Variants in AGBL4 observed in about 807,000 individuals in gnomAD.
AGBL4 encodes the protein AGBL carboxypeptidase 4, also known as cytosolic carboxypeptidase 6.
Under a neutral mutation model 66.4 loss-of-function variants are expected in AGBL4, and 58 were observed. That is an observed-to-expected ratio of 0.87 (90% CI 0.71 to 1.09). AGBL4 has a LOEUF of 1.09. AGBL4 is among the 50% of genes least tolerant of loss of function. The probability of loss-of-function intolerance (pLI) is 0.00; values close to 1 mark genes in which losing one functional copy is unlikely to be tolerated. For synonymous variants in AGBL4, 234 were observed against 222.9 expected, an observed-to-expected ratio of 1.05 and a Z score of -0.44; for missense variants, 579 against 631.0, an observed-to-expected ratio of 0.92 and a Z score of 0.88.
intron 3 of AGBL4, among the ~76,000 whole-genome samples, chr1:49,650,777 G>A (rs1645987557): frequency 6.6e-6 from 1 of 152,180 alleles, no homozygotes; most frequent in African/African-American, 2.4e-5. Flanking sequence ...AAATGTGAAC[G>A]CAGTCCCTAT....
At chr1:49,071,217 G>C (rs113878437) in intron 4 of AGBL4, among the ~76,000 whole-genome samples, 1 of 151,630 alleles carries the variant, frequency 6.6e-6, no homozygotes, top group Non-Finnish European at 1.5e-5. Context: ...TTGATTTTTT[G>C]AAGGGTTTTT....
chr1:48,597,472 A>T (rs1316584755), intron 9 of AGBL4, among the ~76,000 whole-genome samples: 1 of 152,116 alleles, frequency 6.6e-6, no homozygotes, highest in Non-Finnish European at 1.5e-5. Context: ...ATGGGGGGAA[A>T]GTCTACTTTA....
intron 3 of AGBL4, among the ~76,000 whole-genome samples, chr1:49,405,905 C>A (rs1431844695): frequency 6.6e-6 from 1 of 152,144 alleles, no homozygotes; most frequent in Non-Finnish European, 1.5e-5. Flanking sequence ...AATATCTGCA[C>A]ATTTGGAAGA....
Position 49,237,181 on chromosome 1 carries a change from TG to T in AGBL4, c.377+8588del, listed in dbSNP as rs1417313954. Among the ~76,000 whole-genome samples, 3 of 149,786 alleles carry T rather than the reference TG, an allele frequency of 2.0e-5. No homozygotes were observed. The East Asian group carries it at 5.9e-4, about 29-fold the overall frequency. ...GGGAGGCTGAGGCAGGAGAATGGAG[TG>T]AACCTGGGAGGTGGAGCTTGCAGTG... On this transcript the variant is annotated intron_variant, in intron 4 of 13. Coordinates refer to ENST00000371839, the MANE Select transcript of AGBL4 (RefSeq NM_032785.4).
chr1:49,655,917 G>A (rs902998766), intron 3 of AGBL4, among the ~76,000 whole-genome samples: 3 of 152,320 alleles, frequency 2.0e-5, no homozygotes, highest in Admixed American at 6.5e-5. Flanking sequence ...GGGAGGCCGA[G>A]GTGGGCAGAT....
At chr1:48,648,137 ACCAAC>A (rs2148434715) in intron 8 of AGBL4, among the ~76,000 whole-genome samples, 1 of 152,300 alleles carries the variant, frequency 6.6e-6, no homozygotes, top group Non-Finnish European at 1.5e-5. Context: ...ATAATGTGCT[ACCAAC>A]AACACCATCC....
At chr1:49,657,410 A>G (rs1225370500) in intron 3 of AGBL4, among the ~76,000 whole-genome samples, 3 of 152,200 alleles carry the variant, frequency 2.0e-5, no homozygotes, top group Non-Finnish European at 4.4e-5. Flanking sequence ...AAGAATCAAT[A>G]TCGTGAAAAT....
At chr1:49,412,211 G>A (rs1419401680) in intron 3 of AGBL4, among the ~76,000 whole-genome samples, 1 of 152,130 alleles carries the variant, frequency 6.6e-6, no homozygotes, top group Non-Finnish European at 1.5e-5. Context: ...TATTCTCACA[G>A]TTCTGGAGGC....
At chr1:48,724,593 G>A (rs1478359217) in intron 6 of AGBL4, among the ~76,000 whole-genome samples, 1 of 152,130 alleles carries the variant, frequency 6.6e-6, no homozygotes, top group African/African-American at 2.4e-5. Context: ...ATAATCATAG[G>A]TATGGAAAAT....
chr1:49,572,027 T>A (rs1406481436), intron 3 of AGBL4, among the ~76,000 whole-genome samples: 1 of 152,206 alleles, frequency 6.6e-6, no homozygotes, highest in Non-Finnish European at 1.5e-5. Context: ...TCTACAGTTT[T>A]CTTTTTATGC....
At chr1:49,751,361 C>G (rs1651446140) in intron 2 of AGBL4, among the ~76,000 whole-genome samples, 1 of 152,206 alleles carries the variant, frequency 6.6e-6, no homozygotes, top group South Asian at 2.1e-4. Flanking sequence ...GACATTGGTT[C>G]TGTTTATGTC....
intron 1 of AGBL4, among the ~76,000 whole-genome samples, chr1:49,924,805 A>AAG (rs1371064036): frequency 6.6e-6 from 1 of 152,212 alleles, no homozygotes; most frequent in East Asian, 1.9e-4. Context: ...AAGATGGCTG[A>AAG]AGAGGAGCTT....
intron 1 of AGBL4, among the ~76,000 whole-genome samples, chr1:49,960,705 T>TTTTAAATTGGCAA (rs1557621275): frequency 6.6e-6 from 1 of 152,060 alleles, no homozygotes; most frequent in Non-Finnish European, 1.5e-5. Flanking sequence ...AATTTAAAAT[T>TTTTAAATTGGCAA]TTTTATTTAA....
chr1:48,790,156 CTT>C (rs61116743), intron 6 of AGBL4, among the ~76,000 whole-genome samples: 5,509 of 152,218 alleles, frequency 0.036, 332 homozygotes, highest in African/African-American at 0.12. Flanking sequence ...TCTTCCATCT[CTT>C]TGTTTGGATA....
rs74500523 is a variant in AGBL4 at position 49,490,697 on chromosome 1, G to C, written c.282+206616C>G. Among the ~76,000 whole-genome samples, 389 of 151,692 alleles carry C rather than the reference G, an allele frequency of 2.6e-3. 14 individuals carry two copies. In the East Asian group the frequency reaches 0.068, roughly 26 times the overall value. ...AAATCCCAAGGAATAATTCTGATTT[G>C]CTTTGCAAACCACATGGTTGGAGTT... On this transcript the variant is annotated intron_variant, in intron 3 of 13. Coordinates refer to ENST00000371839, the MANE Select transcript of AGBL4 (RefSeq NM_032785.4).
chr1:49,845,609 C>G, intron 2 of AGBL4: 7 of 1,605,792 alleles, frequency 4.4e-6, no homozygotes, highest in South Asian at 1.1e-5. Flanking sequence ...AAAGCCTTCA[C>G]CCAGATCACA....
intron 6 of AGBL4, among the ~76,000 whole-genome samples, chr1:48,746,534 A>G (rs1421416185): frequency 1.3e-5 from 2 of 152,162 alleles, no homozygotes; most frequent in African/African-American, 4.8e-5. Context: ...AAGAAAAACT[A>G]TTTTCTAAAT....
chr1:49,423,345 G>C (rs1404591937), intron 3 of AGBL4, among the ~76,000 whole-genome samples: 1 of 152,140 alleles, frequency 6.6e-6, no homozygotes, highest in Non-Finnish European at 1.5e-5. Context: ...TGCTCAGAAA[G>C]TATTTTAAAA....
the AGBL4 span, among the ~76,000 whole-genome samples, chr1:48,525,532 A>G: frequency 1.3e-5 from 2 of 152,162 alleles, no homozygotes; most frequent in Non-Finnish European, 2.9e-5. Flanking sequence ...AAAATACCAT[A>G]CTTTCCCATT....
Sources: allele counts gnomAD v4.1 joint callset (sites outside exome capture counted in the v4.1 genomes callset), GRCh38; gene constraint gnomAD v4.1.1; transcripts MANE v1.5; gene names NCBI Gene and HGNC (gene_info 2026-07-23, HGNC 2026-07-21).